MAX: variants seen among roughly 807,000 people sequenced by gnomAD.
MAX encodes protein max.
Under a neutral mutation model 22.3 loss-of-function variants are expected in MAX, and 3 were observed. The ratio of observed to expected loss-of-function variants is 0.13; its 90% CI spans 0.06 to 0.35. The LOEUF is 0.35. Ranked by LOEUF, MAX falls within the 10% of genes least tolerant of loss-of-function variation. The probability of loss-of-function intolerance (pLI) is 1.00; values close to 1 mark genes in which losing one functional copy is unlikely to be tolerated. For missense variants in MAX, 119 were observed against 209.4 expected, an observed-to-expected ratio of 0.57 and a Z score of 2.66; for synonymous variants, 72 against 77.7, an observed-to-expected ratio of 0.93 and a Z score of 0.39.
chr14:65,035,719 A>G (rs2062174475), intron 3 of MAX, among the ~76,000 whole-genome samples: 3 of 151,918 alleles, frequency 2.0e-5, no homozygotes, highest in African/African-American at 7.3e-5. Context: ...AAATTTGTAG[A>G]GATGGGATCT....
rs1783786285 is a variant in MAX at position 65,082,742 on chromosome 14, G to C, written c.172-4706C>G. On this transcript the variant is annotated intron_variant, in intron 3 of 4. Coordinates refer to ENST00000358664, the MANE Select transcript of MAX (RefSeq NM_002382.5). This position sits in a 1 kb window ranked among gnomAD's most constrained non-coding sequence, Gnocchi z 4.8. ...GGCTTGTGCCAACACACTCCAGCCT[G>C]AAAAAAAAGAGTGAGACCCTGTATA... Among the ~76,000 whole-genome samples, 1 of 149,610 alleles carries C rather than the reference G, an allele frequency of 6.7e-6. No homozygotes were observed. The highest frequency in any genetic ancestry group is 1.5e-5 in the Non-Finnish European group (1 of 67,464).
Position 65,006,359 on chromosome 14 carries a change from A to G in MAX, c.172-75T>C, listed in dbSNP as rs1042645577. The stretch of plus-strand genomic sequence containing the variant: ...CTTAACTGCTAAACCAAATCTCTGC[A>G]TTAACCCAATGCTCTGACCTCAATA... On this transcript the variant is annotated intron_variant, in intron 3 of 3. Transcript: ENST00000341653. 1.6e-5 allele frequency: 25 copies of G among 1,590,608 alleles called. No homozygotes were observed. In the African/African-American group the frequency reaches 3.3e-4, roughly 21 times the overall value.
intron 2 of MAX, among the ~76,000 whole-genome samples, chr14:65,099,689 G>A (rs1270781940): frequency 1.3e-5 from 2 of 148,808 alleles, no homozygotes; most frequent in East Asian, 4.0e-4. Context: ...TTTACAACTG[G>A]AGACTTGCAG....
intron 3 of MAX, among the ~76,000 whole-genome samples, chr14:65,026,617 G>C (rs143516398): frequency 6.6e-6 from 1 of 152,120 alleles, no homozygotes; most frequent in African/African-American, 2.4e-5. Context: ...CCCAGCACTT[G>C]CAGAGGCTGC....
At chr14:65,089,806 G>T (rs547988211) in intron 3 of MAX, 11 of 125,710 alleles carry the variant, frequency 8.8e-5, no homozygotes, top group Non-Finnish European at 1.6e-4. Flanking sequence ...AAAAAAAAGC[G>T]GGGAGGGGGC....
downstream of MAX, among the ~76,000 whole-genome samples, chr14:65,073,656 G>A (rs1449854089): frequency 5.3e-5 from 8 of 152,174 alleles, no homozygotes; most frequent in Non-Finnish European, 1.2e-4. Context: ...GTAAGCTATG[G>A]TCCGACTTTG....
intron 3 of MAX, among the ~76,000 whole-genome samples, chr14:65,039,474 A>G (rs1485909609): frequency 6.6e-6 from 1 of 152,194 alleles, no homozygotes; most frequent in African/African-American, 2.4e-5. Flanking sequence ...TGATTCTTAT[A>G]TAAGTTTGCA....
intron 3 of MAX, among the ~76,000 whole-genome samples, chr14:65,016,211 A>G (rs1595026232): frequency 6.6e-6 from 1 of 152,230 alleles, no homozygotes; most frequent in Non-Finnish European, 1.5e-5. Flanking sequence ...TACAAATGCC[A>G]TGACTCTCAG....
intron 3 of MAX, chr14:65,015,728 T>C: frequency 6.2e-7 from 1 of 1,612,672 alleles, no homozygotes. Flanking sequence ...TGAGTCTGTC[T>C]TTGGGAAATC....
intron 3 of MAX, among the ~76,000 whole-genome samples, chr14:65,013,356 G>A (rs376745099): frequency 6.0e-5 from 9 of 150,678 alleles, no homozygotes; most frequent in East Asian, 1.9e-4. Flanking sequence ...AAATGAAGCC[G>A]GAAATCACGT....
chr14:65,010,605 G>A (rs1368652700), intron 3 of MAX, among the ~76,000 whole-genome samples: 1 of 152,170 alleles, frequency 6.6e-6, no homozygotes, highest in Non-Finnish European at 1.5e-5. Context: ...ACTTCAGTTT[G>A]TAAACACATA....
intron 3 of MAX, among the ~76,000 whole-genome samples, chr14:65,085,184 A>G (rs2063299026): frequency 6.6e-6 from 1 of 152,194 alleles, no homozygotes; most frequent in Admixed American, 6.5e-5. Context: ...AATAAATTAT[A>G]TTATTCAAAT....
chr14:65,073,185 C>G (rs1319522272), downstream of MAX, among the ~76,000 whole-genome samples: 4 of 152,160 alleles, frequency 2.6e-5, no homozygotes, highest in African/African-American at 9.7e-5. Context: ...GATGCTGAGG[C>G]TGGGAGAAGT....
chr14:65,012,997 G>A lies in MAX; in HGVS notation c.172-6713C>T, dbSNP rs1406070695. Among the ~76,000 whole-genome samples, 2 of 152,188 alleles carry A rather than the reference G, an allele frequency of 1.3e-5. No homozygotes were observed. Among genetic ancestry groups the A allele is most frequent in the African/African-American group, 4.8e-5 (2 of 41,456 alleles). On this transcript the variant is annotated intron_variant, in intron 3 of 3. Coordinates refer to the MAX transcript ENST00000341653. The surrounding 1 kb of genome is among the most constrained non-coding windows in gnomAD (Gnocchi z 5.0). Reference sequence around the variant, plus strand: ...TTTCCCAGAGCAACGTCAGGACTGGGTGACGGTGGAGGGGACAGATGTTGG... The same window carrying A: ...TTTCCCAGAGCAACGTCAGGACTGGATGACGGTGGAGGGGACAGATGTTGG...
At chr14:65,094,009 G>A (rs573991215) in intron 2 of MAX, 194 bp from the exon 3 acceptor site, 4 of 633,316 alleles carry the variant, frequency 6.3e-6, no homozygotes, top group African/African-American at 1.8e-5. Context: ...GGTGAGCAAC[G>A]CTTGCGACAG....
chr14:65,077,237 C>G lies in MAX; in HGVS notation c.296-574G>C. 1 of 821,768 alleles carries G rather than the reference C, an allele frequency of 1.2e-6. No individual in the cohort carries two copies. Among genetic ancestry groups the G allele is most frequent in the Admixed American group, 2.0e-5 (1 of 49,360 alleles). The allele number at this position is 821,768 out of a possible 1,614,324, so 50.9% of individuals were successfully genotyped here. On this transcript the variant is annotated intron_variant, in intron 4 of 4. Coordinates refer to ENST00000358664, the MANE Select transcript of MAX (RefSeq NM_002382.5). This position sits in a 1 kb window ranked among gnomAD's most constrained non-coding sequence, Gnocchi z 6.3. ...CCAGTAACCAACCCACTGACACCAC[C>G]CACTGCCCATCCCTTGGTTCAGCTC...
intron 3 of MAX, among the ~76,000 whole-genome samples, chr14:65,049,001 C>T (rs913693820): frequency 6.6e-6 from 1 of 152,120 alleles, no homozygotes; most frequent in African/African-American, 2.4e-5. Context: ...TGCCACGTTG[C>T]CTGTAATCCC....
intron 3 of MAX, chr14:65,006,351 ATC>A (rs1433754288): frequency 2.8e-5 from 45 of 1,594,574 alleles, no homozygotes; most frequent in Non-Finnish European, 3.8e-5. Flanking sequence ...GCTAAACCAA[ATC>A]TCTGCATTAA....
downstream of MAX, among the ~76,000 whole-genome samples, chr14:65,074,822 A>G (rs2063021284): frequency 1.3e-5 from 2 of 152,212 alleles, no homozygotes; most frequent in Non-Finnish European, 2.9e-5. Flanking sequence ...TGGGCTACCA[A>G]TTCCCCCAAA....
Sources: gnomAD v4.1 joint callset for allele counts (sites outside exome capture counted in the v4.1 genomes callset) on GRCh38, gnomAD v4.1.1 for gene constraint, Gnocchi (gnomAD v3.1) non-coding constraint, MANE v1.5 for transcripts, NCBI Gene and HGNC (gene_info 2026-07-23, HGNC 2026-07-21) for gene names.